The following SLC16A7 variants were observed in gnomAD, a reference collection of about 807,000 sequenced individuals.
The protein encoded by SLC16A7 is solute carrier family 16 member 7, also known as monocarboxylate transporter 2.
A neutral mutation model predicts 34.9 loss-of-function variants in SLC16A7; 33 were observed. The ratio of observed to expected loss-of-function variants is 0.94; its 90% confidence interval spans 0.72 to 1.26. The LOEUF (loss-of-function observed/expected upper bound fraction) is 1.26, where lower values mean the gene tolerates loss of function less well. SLC16A7 is among the 50% of genes most tolerant of loss of function. The pLI, the probability that SLC16A7 is intolerant of heterozygous loss-of-function variation, is 0.00. For synonymous variants in SLC16A7, 201 were observed against 206.6 expected, an observed-to-expected ratio of 0.97 and a Z score of 0.23; for missense variants, 573 against 578.1, an observed-to-expected ratio of 0.99 and a Z score of 0.09.
chr12:59,686,532 A>G (rs984618331), intron 2 of SLC16A7, among the ~76,000 whole-genome samples: 1 of 152,094 alleles, frequency 6.6e-6, no homozygotes, highest in Non-Finnish European at 1.5e-5. Context: ...TACATTTCCA[A>G]CAGTCGCTTT....
intron 3 of SLC16A7, among the ~76,000 whole-genome samples, chr12:59,747,783 A>G (rs1879054612): frequency 6.6e-6 from 1 of 152,246 alleles, no homozygotes; most frequent in Non-Finnish European, 1.5e-5. Context: ...CCTTAGTGTA[A>G]GAAGAAAAAG....
chr12:59,636,674 A>G (rs1229573215), intron 1 of SLC16A7, among the ~76,000 whole-genome samples: 1 of 152,114 alleles, frequency 6.6e-6, no homozygotes, highest in East Asian at 1.9e-4. Context: ...TGCAATTTGC[A>G]GAATTATAAG....
intron 5 of SLC16A7, among the ~76,000 whole-genome samples, chr12:59,776,949 T>G (rs1026192902): frequency 6.6e-6 from 1 of 152,136 alleles, no homozygotes; most frequent in African/African-American, 2.4e-5. Flanking sequence ...CGGAATTAGT[T>G]TGATCAACTG....
chr12:59,636,189 T>TA (rs1880417457), intron 1 of SLC16A7, among the ~76,000 whole-genome samples: 1 of 152,070 alleles, frequency 6.6e-6, no homozygotes, highest in African/African-American at 2.4e-5. Flanking sequence ...TGTTTACACT[T>TA]ACGATATTTG....
intron 2 of SLC16A7, among the ~76,000 whole-genome samples, chr12:59,688,742 A>C (rs981370774): frequency 6.6e-6 from 1 of 152,078 alleles, no homozygotes; most frequent in Non-Finnish European, 1.5e-5. Context: ...AAAAAAGGAG[A>C]AACTTAAAAC....
At chr12:59,640,635 A>G (rs1340063180) in intron 1 of SLC16A7, among the ~76,000 whole-genome samples, 1 of 152,058 alleles carries the variant, frequency 6.6e-6, no homozygotes, top group Non-Finnish European at 1.5e-5. Context: ...TGTGTTTGCA[A>G]TTGTGTAGGA....
intron 1 of SLC16A7, among the ~76,000 whole-genome samples, chr12:59,646,257 G>A (rs926698862): frequency 6.6e-6 from 1 of 152,126 alleles, no homozygotes; most frequent in Non-Finnish European, 1.5e-5. Context: ...GCCTAGGAGG[G>A]AAAAATCATT....
rs569575887 is a variant in SLC16A7, at chr12:59,616,454, ATTTAT to A, written c.-130+20223_-130+20227del. ...TCTGTAAGTTCTTATGTTTTTCTGCATTTATTTTAAATTTGATAAATATTTTAGCT... is the reference window on the plus strand; with the variant it reads ...TCTGTAAGTTCTTATGTTTTTCTGCATTTAAATTTGATAAATATTTTAGCT... On this transcript the variant is annotated intron_variant, in intron 1 of 5. Coordinates refer to ENST00000547379, the MANE Select transcript of SLC16A7 (RefSeq NM_001270623.2). 4.1e-4 allele frequency among the ~76,000 whole-genome samples: 62 copies of A among 152,292 alleles called. No individual in the cohort carries two copies. In the South Asian group the frequency reaches 0.012, roughly 31 times the overall value.
chr12:59,764,822 A>G (rs1881419898), intron 3 of SLC16A7, among the ~76,000 whole-genome samples: 1 of 152,056 alleles, frequency 6.6e-6, no homozygotes, highest in African/African-American at 2.4e-5. Context: ...TAGCAGCATG[A>G]TTTATAATCC....
At chr12:59,612,909 A>G (rs1172373073) in intron 1 of SLC16A7, among the ~76,000 whole-genome samples, 1 of 152,158 alleles carries the variant, frequency 6.6e-6, no homozygotes, top group Non-Finnish European at 1.5e-5. Flanking sequence ...TGAAGTTCCA[A>G]ACTTTCCTAC....
intron 3 of SLC16A7, among the ~76,000 whole-genome samples, chr12:59,717,132 T>G (rs1424022943): frequency 6.6e-6 from 1 of 152,204 alleles, no homozygotes; most frequent in Admixed American, 6.5e-5. Context: ...TCTCAATGTT[T>G]CAGATTTCTA....
At chr12:59,735,780 ATATT>A (rs1877519211) in intron 3 of SLC16A7, 2 of 178,648 alleles carry the variant, frequency 1.1e-5, no homozygotes, top group Middle Eastern at 2.4e-3. Context: ...TTATTAATAT[ATATT>A]TATCATGAAA....
intron 3 of SLC16A7, among the ~76,000 whole-genome samples, chr12:59,705,734 C>T (rs577148293): frequency 1.7e-4 from 26 of 152,088 alleles, no homozygotes; most frequent in Non-Finnish European, 3.1e-4. Flanking sequence ...ACCAGACTCT[C>T]TTGTAGAATT....
At chr12:59,721,016 C>T (rs976430538) in intron 3 of SLC16A7, among the ~76,000 whole-genome samples, 5 of 152,022 alleles carry the variant, frequency 3.3e-5, no homozygotes, top group African/African-American at 4.8e-5. Context: ...CTTTGAGTCT[C>T]CATGGCAGAA....
At chr12:59,749,292 G>A (rs988631811) in intron 3 of SLC16A7, among the ~76,000 whole-genome samples, 3 of 152,168 alleles carry the variant, frequency 2.0e-5, no homozygotes, top group African/African-American at 4.8e-5. Context: ...TCTTTTTGCT[G>A]TACAACAAGA....
chr12:59,784,360 A>C lies in SLC16A7; in HGVS notation c.*4681A>C, dbSNP rs967786481. On this transcript the variant is annotated 3_prime_UTR_variant, in exon 6 of 6. Coordinates refer to ENST00000547379, the MANE Select transcript of SLC16A7 (RefSeq NM_001270623.2). ...GCAGTCCAGCCTAGGCAATAGAGTGAGAATCTGTCTCTATTAAAAAAAAAA... is the reference window on the plus strand; with the variant it reads ...GCAGTCCAGCCTAGGCAATAGAGTGCGAATCTGTCTCTATTAAAAAAAAAA... 2.6e-5 allele frequency: 4 copies of C among 152,064 alleles called. No individual in the cohort carries two copies. Among genetic ancestry groups the C allele is most frequent in the Admixed American group, 2.6e-4 (4 of 15,268 alleles). 9.4% of individuals were successfully genotyped at this position (152,064 alleles called of 1,614,324 possible).
chr12:59,638,567 T>C (rs1880538776), intron 1 of SLC16A7, among the ~76,000 whole-genome samples: 1 of 152,122 alleles, frequency 6.6e-6, no homozygotes, highest in South Asian at 2.1e-4. Context: ...TCTCTGAAAA[T>C]TTAAACATTT....
At chr12:59,707,565 T>C (rs1873734018) in intron 3 of SLC16A7, among the ~76,000 whole-genome samples, 2 of 152,090 alleles carry the variant, frequency 1.3e-5, no homozygotes, top group South Asian at 4.1e-4. Flanking sequence ...AGAACTCTTC[T>C]GAAATTCATG....
At chr12:59,658,094 G>A (rs1048981000) in intron 2 of SLC16A7, among the ~76,000 whole-genome samples, 1 of 151,926 alleles carries the variant, frequency 6.6e-6, no homozygotes, top group African/African-American at 2.4e-5. Flanking sequence ...CTTTAAATTG[G>A]ATACTTAAAA....
Sources: gnomAD v4.1 joint callset for allele counts (sites outside exome capture counted in the v4.1 genomes callset) on GRCh38, gnomAD v4.1.1 for gene constraint, MANE v1.5 for transcripts, NCBI Gene and HGNC (gene_info 2026-07-23, HGNC 2026-07-21) for gene names.